Variants in DACH1 observed in about 807,000 individuals in gnomAD.
The protein encoded by DACH1 is dachshund homolog 1.
Under a neutral mutation model 54.2 loss-of-function variants are expected in DACH1, and 12 were observed. The ratio of observed to expected loss-of-function variants is 0.22; its 90% CI spans 0.14 to 0.36. DACH1 has a LOEUF of 0.36. DACH1 is among the 10% of genes least tolerant of loss of function. The probability of loss-of-function intolerance (pLI) is 1.00; values close to 1 mark genes in which losing one functional copy is unlikely to be tolerated. For synonymous variants in DACH1, 386 were observed against 366.2 expected, an observed-to-expected ratio of 1.05 and a Z score of -0.62; for missense variants, 805 against 929.8, an observed-to-expected ratio of 0.87 and a Z score of 1.75.
intron 3 of DACH1, among the ~76,000 whole-genome samples, chr13:71,627,431 C>G (rs1876733906): frequency 6.6e-6 from 1 of 151,378 alleles, no homozygotes; most frequent in African/African-American, 2.4e-5. Flanking sequence ...TCAGAAATGT[C>G]ACCGGATTTG....
At chr13:71,741,402 T>C (rs1341455020) in intron 1 of DACH1, among the ~76,000 whole-genome samples, 1 of 152,232 alleles carries the variant, frequency 6.6e-6, no homozygotes, top group Non-Finnish European at 1.5e-5. Flanking sequence ...TTATTGTTTT[T>C]CCAGGAATGG....
chr13:71,846,030 C>A (rs1203025749), intron 1 of DACH1: 1 of 166,868 alleles, frequency 6.0e-6, no homozygotes, highest in East Asian at 1.6e-4. Context: ...TAGTTATAAG[C>A]GGAGTGGGTC....
rs114808329 is a variant in DACH1 at position 71,568,515 on chromosome 13, G to A, written c.1299+4325C>T. Among the ~76,000 whole-genome samples the A allele has an allele frequency of 4.3e-3, 658 of 152,028 alleles. 4 individuals carry two copies. Among genetic ancestry groups the A allele is most frequent in the African/African-American group, 0.015 (636 of 41,522 alleles). ...GAAACACTATAGGCACTAAAACAGA[G>A]GGCTTAAATATTGAAATGGCTAGAA... On this transcript the variant is annotated intron_variant, in intron 4 of 10. Transcript: ENST00000613252.
intron 2 of DACH1, among the ~76,000 whole-genome samples, chr13:71,670,838 AT>A (rs1453120325): frequency 6.6e-6 from 1 of 152,034 alleles, no homozygotes; most frequent in African/African-American, 2.4e-5. Context: ...GAGAAGCATA[AT>A]TTTGATGTAA....
chr13:71,497,305 C>T (rs1468466525), intron 6 of DACH1, among the ~76,000 whole-genome samples: 1 of 151,712 alleles, frequency 6.6e-6, no homozygotes, highest in Non-Finnish European at 1.5e-5. Context: ...GGAGGAAATT[C>T]TGTTCTTGTA....
chr13:71,594,293 A>G (rs1024447793), intron 3 of DACH1, among the ~76,000 whole-genome samples: 1 of 152,006 alleles, frequency 6.6e-6, no homozygotes, highest in African/African-American at 2.4e-5. Flanking sequence ...ATTAATTCTT[A>G]ATGTTTAAAG....
At chr13:71,448,453 G>T (rs1174183516) in intron 10 of DACH1, among the ~76,000 whole-genome samples, 1 of 152,126 alleles carries the variant, frequency 6.6e-6, no homozygotes, top group African/African-American at 2.4e-5. Flanking sequence ...AAACAAACAG[G>T]AACAGATGGG....
At chr13:71,506,151 T>C (rs1481244440) in intron 6 of DACH1, among the ~76,000 whole-genome samples, 3 of 152,076 alleles carry the variant, frequency 2.0e-5, no homozygotes, top group Non-Finnish European at 2.9e-5. Context: ...TTTTTTTTAT[T>C]ATACTTTAAG....
At chr13:71,713,581 T>C (rs1397851256) in intron 1 of DACH1, among the ~76,000 whole-genome samples, 2 of 152,184 alleles carry the variant, frequency 1.3e-5, no homozygotes, top group Non-Finnish European at 2.9e-5. Context: ...CATGGTGATC[T>C]GTCTTAAAAG....
At chr13:71,468,119 G>A (rs1876758124) in intron 10 of DACH1, among the ~76,000 whole-genome samples, 1 of 151,954 alleles carries the variant, frequency 6.6e-6, no homozygotes, top group African/African-American at 2.4e-5. Context: ...TTTACTATGG[G>A]AATAATTCAA....
chr13:71,653,798 A>G (rs547615288), intron 2 of DACH1, among the ~76,000 whole-genome samples: 47 of 152,214 alleles, frequency 3.1e-4, no homozygotes, highest in Non-Finnish European at 5.6e-4. Flanking sequence ...TTTTAATGCC[A>G]GAACTGATTA....
chr13:71,655,739 C>T (rs966258949), intron 2 of DACH1, among the ~76,000 whole-genome samples: 1 of 152,094 alleles, frequency 6.6e-6, no homozygotes, highest in African/African-American at 2.4e-5. Flanking sequence ...ACACTTAAAT[C>T]CTTCAGTGTT....
chr13:71,497,658 T>G (rs1185908270), intron 6 of DACH1, among the ~76,000 whole-genome samples: 1 of 152,058 alleles, frequency 6.6e-6, no homozygotes, highest in Non-Finnish European at 1.5e-5. Context: ...CTATATTATG[T>G]CTCTCTGATA....
intron 1 of DACH1, among the ~76,000 whole-genome samples, chr13:71,752,337 T>G (rs1420485622): frequency 6.6e-6 from 1 of 152,188 alleles, no homozygotes; most frequent in Non-Finnish European, 1.5e-5. Flanking sequence ...TCCAAAGAAC[T>G]ATAGTCTTGG....
At chr13:71,681,257 T>C (rs1289214443) in intron 2 of DACH1, among the ~76,000 whole-genome samples, 1 of 152,206 alleles carries the variant, frequency 6.6e-6, no homozygotes, top group African/African-American at 2.4e-5. Context: ...TCAAGACTAT[T>C]CTTTTACTTA....
intron 3 of DACH1, among the ~76,000 whole-genome samples, chr13:71,582,896 T>C (rs749131585): frequency 1.3e-5 from 2 of 152,140 alleles, no homozygotes; most frequent in Non-Finnish European, 2.9e-5. Context: ...GCAATACAGA[T>C]AATTTTATTT....
At chr13:71,511,890 TCAG>T (rs1880803348) in intron 6 of DACH1, among the ~76,000 whole-genome samples, 1 of 151,858 alleles carries the variant, frequency 6.6e-6, no homozygotes, top group Non-Finnish European at 1.5e-5. Context: ...AAACAGAAAC[TCAG>T]CATCAATTTG....
At chr13:71,851,392 G>A (rs1004928862) in intron 1 of DACH1, among the ~76,000 whole-genome samples, 1 of 152,048 alleles carries the variant, frequency 6.6e-6, no homozygotes, top group Non-Finnish European at 1.5e-5. Context: ...AGTAAATAAT[G>A]ATGTTATTGG....
chr13:71,669,355 G>C (rs1012817353), intron 2 of DACH1, among the ~76,000 whole-genome samples: 1 of 152,110 alleles, frequency 6.6e-6, no homozygotes, highest in African/African-American at 2.4e-5. Context: ...AGTTTCATAG[G>C]ATCAGGAACC....
Sources: gnomAD v4.1 joint callset for allele counts (sites outside exome capture counted in the v4.1 genomes callset) on GRCh38, gnomAD v4.1.1 for gene constraint, MANE v1.5 for transcripts, NCBI Gene and HGNC (gene_info 2026-07-23, HGNC 2026-07-21) for gene names.